The following ALPK2 variants were observed in gnomAD, a reference collection of about 807,000 sequenced individuals.
The protein encoded by ALPK2 is alpha kinase 2, also known as alpha-protein kinase 2.
ALPK2 carries 127 observed loss-of-function variants against 163.1 expected under a neutral mutation model. The ratio of observed to expected loss-of-function variants is 0.78; its 90% CI spans 0.67 to 0.90. ALPK2 has a LOEUF of 0.90. Among genes scored for constraint, ALPK2 ranks in the 40% least tolerant of loss-of-function variants. The probability of loss-of-function intolerance (pLI) is 0.00; values close to 1 mark genes in which losing one functional copy is unlikely to be tolerated. For missense variants in ALPK2, 2,360 were observed against 2,589.6 expected (o/e 0.91, Z 1.92); for synonymous variants, 953 against 959.1 (o/e 0.99, Z 0.12).
chr18:58,538,371 T>A, intron 4 of ALPK2, 147 bp from the exon 5 acceptor site: 2 of 768,148 alleles, frequency 2.6e-6, no homozygotes, highest in Non-Finnish European at 2.0e-6. Flanking sequence ...CCCAACTCCC[T>A]CTAGCTATTA....
At chr18:58,611,277 C>CAA (rs747542222) in intron 2 of ALPK2, among the ~76,000 whole-genome samples, 1 of 31,300 alleles carries the variant, frequency 3.2e-5, no homozygotes, top group Non-Finnish European at 4.9e-5. Context: ...GACTCCATCT[C>CAA]AAAAAAAAAA....
intron 4 of ALPK2, among the ~76,000 whole-genome samples, chr18:58,573,292 GTA>G (rs1568089377): frequency 2.4e-5 from 2 of 83,432 alleles, no homozygotes; most frequent in African/African-American, 8.6e-5. Context: ...GTGTATATAT[GTA>G]TATATGTGTG....
At chr18:58,565,767 C>CT (rs1223123546) in intron 4 of ALPK2, among the ~76,000 whole-genome samples, 2 of 120,920 alleles carry the variant, frequency 1.7e-5, no homozygotes, top group South Asian at 3.2e-4. Flanking sequence ...TCCTTCCTTC[C>CT]TTCCTTTCTT....
intron 3 of ALPK2, among the ~76,000 whole-genome samples, chr18:58,581,683 C>T (rs1451979631): frequency 2.6e-5 from 4 of 152,210 alleles, no homozygotes; most frequent in Non-Finnish European, 5.9e-5. Flanking sequence ...TTGTATGTTG[C>T]ACCCTTATTA....
chr18:58,553,990 T>G (rs2051775182), intron 4 of ALPK2, among the ~76,000 whole-genome samples: 1 of 150,096 alleles, frequency 6.7e-6, no homozygotes, highest in Non-Finnish European at 1.5e-5. Flanking sequence ...GCCTCCTGAG[T>G]ACCTGGGAAT....
chr18:58,529,602 G>T (rs1341810920), intron 5 of ALPK2, among the ~76,000 whole-genome samples: 1 of 152,156 alleles, frequency 6.6e-6, no homozygotes, highest in Non-Finnish European at 1.5e-5. Flanking sequence ...GATCATCCAG[G>T]TCGAAATCAG....
At chr18:58,533,853 A>G (rs2144143425) in intron 5 of ALPK2, among the ~76,000 whole-genome samples, 1 of 152,336 alleles carries the variant, frequency 6.6e-6, no homozygotes, top group East Asian at 1.9e-4. Flanking sequence ...CCTTTCTGCA[A>G]CAGGGGTTAG....
rs144710817 is a variant in ALPK2, at chr18:58,498,672, A to C, written c.6248-575T>G. 1.3e-4 allele frequency among the ~76,000 whole-genome samples: 20 copies of C among 152,322 alleles called. 1 individual carries two copies. In the East Asian group the frequency reaches 3.9e-3, roughly 29 times the overall value. ...TGGGAGATAATTGAATCATGGGGGC[A>C]GTTTCCCCCATACTGTTCTCATGGT... On this transcript the variant is annotated intron_variant, in intron 11 of 12. Transcript: ENST00000361673.
intron 9 of ALPK2, among the ~76,000 whole-genome samples, chr18:58,516,078 G>A (rs145053916): frequency 6.6e-6 from 1 of 152,126 alleles, no homozygotes; most frequent in Non-Finnish European, 1.5e-5. Flanking sequence ...AATTAGTTGG[G>A]CGTGATGGCA....
chr18:58,501,681 T>G (rs900386268), intron 11 of ALPK2, among the ~76,000 whole-genome samples: 3 of 152,162 alleles, frequency 2.0e-5, no homozygotes, highest in Non-Finnish European at 4.4e-5. Context: ...CCCCTCTACT[T>G]ACTAGCTGAG....
chr18:58,578,429 G>A (rs2051933266), intron 4 of ALPK2: 1 of 164,958 alleles, frequency 6.1e-6, no homozygotes, highest in Admixed American at 6.1e-5. Context: ...TTCCTTTAAA[G>A]GCTACACCCA....
At position 58,578,844 on chromosome 18, in the gene ALPK2, G is replaced by C; in HGVS notation, c.1932C>G (p.Ser644Arg). Reference sequence around the variant, plus strand: ...GAGGATCACTCCAGTCTGGAACCTGGCTTGTTTCAAATAGAGTATTAACTT... The same window carrying C: ...GAGGATCACTCCAGTCTGGAACCTGCCTTGTTTCAAATAGAGTATTAACTT... ...GMQVNTLFET[S>R]QVPDWSDPPQ... The change falls in exon 4 of 13, where the codon AGC becomes AGG. Residue 644 changes from serine (S) to arginine (R), a missense_variant. Coordinates refer to ENST00000361673, the MANE Select transcript of ALPK2 (RefSeq NM_052947.4). The C allele has an allele frequency of 6.2e-7, 1 of 1,613,566 alleles. No individual in the cohort carries two copies. The highest frequency in any genetic ancestry group is 8.5e-7 in the Non-Finnish European group (1 of 1,179,910).
At chr18:58,574,054 T>C (rs2051905828) in intron 4 of ALPK2, among the ~76,000 whole-genome samples, 1 of 152,134 alleles carries the variant, frequency 6.6e-6, no homozygotes, top group Non-Finnish European at 1.5e-5. Flanking sequence ...GATAGTATCT[T>C]CCTTGATCTA....
intron 10 of ALPK2, among the ~76,000 whole-genome samples, chr18:58,509,966 A>C (rs1335987251): frequency 3.3e-5 from 5 of 152,178 alleles, no homozygotes; most frequent in Non-Finnish European, 7.3e-5. Context: ...GCCCATGCCT[A>C]TGTCCTGAAT....
At chr18:58,570,873 C>T (rs1220608900) in intron 4 of ALPK2, among the ~76,000 whole-genome samples, 1 of 152,164 alleles carries the variant, frequency 6.6e-6, no homozygotes, top group Non-Finnish European at 1.5e-5. Flanking sequence ...TCTGTTCAGT[C>T]CTACAGGCTG....
intron 12 of ALPK2, among the ~76,000 whole-genome samples, chr18:58,484,041 A>G (rs937195387): frequency 1.3e-5 from 2 of 152,154 alleles, no homozygotes; most frequent in African/African-American, 4.8e-5. Flanking sequence ...AAATTCTGTG[A>G]TAGCAGAGGT....
chr18:58,592,354 C>T (rs576327894), intron 3 of ALPK2, among the ~76,000 whole-genome samples: 5 of 152,198 alleles, frequency 3.3e-5, no homozygotes, highest in Non-Finnish European at 7.3e-5. Flanking sequence ...GCAGCCAGCA[C>T]TTCTGGTGGT....
Position 58,579,218 on chromosome 18 carries a change from C to T in ALPK2, c.1558G>A (p.Val520Met), listed in dbSNP as rs139025977. The part of the protein sequence containing the change: ...QCWETAADKR[V>M]GGKDLWSKRG... ...TTGCTCCATAAGTCCTTTCCCCCCA[C>T]TCTCTTGTCAGCTGCCGTCTCCCAA... The change falls in exon 4 of 13, where the codon GTG (valine) becomes ATG (methionine). Residue 520 changes from valine to methionine, a missense_variant. Physicochemically the swap from Val to Met is conservative, Grantham distance 21. Coordinates refer to ENST00000361673, the MANE Select transcript of ALPK2 (RefSeq NM_052947.4). 4,019 of 1,614,112 alleles carry T rather than the reference C, an allele frequency of 2.5e-3. 23 individuals carry two copies. Among genetic ancestry groups the T allele is most frequent in the Non-Finnish European group, 3.1e-3 (3,675 of 1,179,982 alleles).
chr18:58,579,092 G>A lies in ALPK2; in HGVS notation c.1684C>T (p.Leu562Phe). 6.2e-7 allele frequency: 1 copy of A among 1,614,208 alleles called. No individual in the cohort carries two copies. Among genetic ancestry groups the A allele is most frequent in the Non-Finnish European group, 8.5e-7 (1 of 1,180,050 alleles). Reference sequence around the variant, plus strand: ...GATTCTTTGGCAGAGCAGAGATGAAGGGTACCTTCTGTTGTACTTTCTCTC... The same window carrying A: ...GATTCTTTGGCAGAGCAGAGATGAAAGGTACCTTCTGTTGTACTTTCTCTC... ...NLRESTTEGTLHLCSAKESAE... is the reference protein window; with the variant it reads ...NLRESTTEGTFHLCSAKESAE... The change falls in exon 4 of 13, where the codon CTT becomes TTT. Residue 562 changes from leucine (L) to phenylalanine (F), a missense_variant. By Grantham distance (22) the Leu-to-Phe change is conservative. Transcript: ENST00000361673.
Sources: allele counts gnomAD v4.1 joint callset (sites outside exome capture counted in the v4.1 genomes callset), GRCh38; gene constraint gnomAD v4.1.1; transcripts MANE v1.5; gene names NCBI Gene and HGNC (gene_info 2026-07-23, HGNC 2026-07-21).